Variants in KLHL14 observed in about 807,000 individuals in gnomAD.
The protein encoded by KLHL14 is kelch like family member 14.
Under a neutral mutation model 64.3 loss-of-function variants are expected in KLHL14, and 22 were observed. The ratio of observed to expected loss-of-function variants is 0.34; its 90% CI spans 0.24 to 0.49. KLHL14 has a LOEUF of 0.49. Ranked by LOEUF, KLHL14 falls within the 20% of genes least tolerant of loss-of-function variation. KLHL14 has a pLI of 0.99. For synonymous variants in KLHL14, 322 were observed against 333.4 expected (o/e 0.97, Z 0.37); for missense variants, 661 against 789.0 (o/e 0.84, Z 1.94).
chr18:32,693,988 GT>G (rs2144484611), intron 4 of KLHL14, among the ~76,000 whole-genome samples: 1 of 137,628 alleles, frequency 7.3e-6, no homozygotes, highest in African/African-American at 2.8e-5. Flanking sequence ...GTTTTGTTTT[GT>G]TTTGTTTTTT....
intron 3 of KLHL14, among the ~76,000 whole-genome samples, chr18:32,731,562 T>C (rs546565141): frequency 6.6e-6 from 1 of 152,220 alleles, no homozygotes; most frequent in African/African-American, 2.4e-5. Context: ...AGTGATGTAA[T>C]AATATGTACT....
chr18:32,692,591 G>C (rs992075512), intron 4 of KLHL14, among the ~76,000 whole-genome samples: 10 of 152,196 alleles, frequency 6.6e-5, no homozygotes, highest in Non-Finnish European at 1.5e-4. Context: ...GGAGTTCCTT[G>C]TGAGTGAGTG....
At chr18:32,755,061 G>A (rs947867453) in intron 2 of KLHL14, among the ~76,000 whole-genome samples, 2 of 152,050 alleles carry the variant, frequency 1.3e-5, no homozygotes, top group African/African-American at 4.8e-5. Context: ...GCTGCTGTGG[G>A]TGAAATGGAA....
intron 3 of KLHL14, among the ~76,000 whole-genome samples, chr18:32,703,863 C>A (rs2049977575): frequency 6.6e-6 from 1 of 152,016 alleles, no homozygotes; most frequent in African/African-American, 2.4e-5. Context: ...AGTAAAAAAT[C>A]TTTGGGAATG....
At chr18:32,718,244 T>C (rs573951769) in intron 3 of KLHL14, among the ~76,000 whole-genome samples, 73 of 152,362 alleles carry the variant, frequency 4.8e-4, no homozygotes, top group African/African-American at 1.7e-3. Flanking sequence ...CAAATGCTTT[T>C]CACATAATCT....
chr18:32,751,659 C>T (rs752306844), intron 2 of KLHL14, among the ~76,000 whole-genome samples: 13 of 151,908 alleles, frequency 8.6e-5, no homozygotes, highest in Non-Finnish European at 1.8e-4. Flanking sequence ...CAGTCACGTG[C>T]CTATTATTTA....
At chr18:32,693,411 C>G (rs7235903) in intron 4 of KLHL14, among the ~76,000 whole-genome samples, 1,688 of 112,360 alleles carry the variant, frequency 0.015, 26 homozygotes, top group African/African-American at 0.062. Flanking sequence ...CACACACACA[C>G]ACAGAGAGAG....
chr18:32,744,450 C>A (rs1367169294), intron 2 of KLHL14: 1 of 147,224 alleles, frequency 6.8e-6, no homozygotes, highest in Non-Finnish European at 1.5e-5. Context: ...GCACTCCAGC[C>A]TGGACAAAAA....
intron 3 of KLHL14, among the ~76,000 whole-genome samples, chr18:32,716,597 T>C (rs974858288): frequency 6.6e-6 from 1 of 152,116 alleles, no homozygotes; most frequent in Non-Finnish European, 1.5e-5. Context: ...TTTGTATGTT[T>C]GAGTAGAGAT....
intron 3 of KLHL14, among the ~76,000 whole-genome samples, chr18:32,702,320 A>C (rs2049969897): frequency 6.7e-6 from 1 of 150,150 alleles, no homozygotes; most frequent in Non-Finnish European, 1.5e-5. Flanking sequence ...ATTCCTTGCC[A>C]TGGGCTCTTA....
chr18:32,710,191 C>T (rs184070605), intron 3 of KLHL14, among the ~76,000 whole-genome samples: 100 of 152,274 alleles, frequency 6.6e-4, no homozygotes, highest in African/African-American at 2.3e-3. Flanking sequence ...GTTGTTCTTT[C>T]GTTGTCCCCT....
rs767771386 is a variant in KLHL14, at chr18:32,770,594, C to G, written c.-3G>C. 6.5e-7 allele frequency: 1 copy of G among 1,540,410 alleles called. No individual in the cohort carries two copies. Among genetic ancestry groups the G allele is most frequent in the Non-Finnish European group, 8.7e-7 (1 of 1,144,632 alleles). ...GTCCTGTCCCCGGATCTGGACATGG[C>G]GAGCTGACTCGGTGCACCTGGCTTT... On this transcript the variant is annotated 5_prime_UTR_variant, in exon 2 of 9. Transcript: ENST00000359358. This position sits in a 1 kb window ranked among gnomAD's most constrained non-coding sequence, Gnocchi z 6.7.
chr18:32,705,913 G>A (rs1029132483), intron 3 of KLHL14, among the ~76,000 whole-genome samples: 38 of 152,130 alleles, frequency 2.5e-4, no homozygotes, highest in African/African-American at 8.7e-4. Flanking sequence ...TAGACAATCC[G>A]GTGATCGTAG....
chr18:32,682,808 C>G (rs2144468708), intron 5 of KLHL14, among the ~76,000 whole-genome samples: 2 of 152,270 alleles, frequency 1.3e-5, no homozygotes, highest in East Asian at 1.9e-4. Context: ...CTACAAAAAT[C>G]CATCCTAAAG....
chr18:32,757,717 C>G (rs1370793041), intron 2 of KLHL14, among the ~76,000 whole-genome samples: 2 of 152,034 alleles, frequency 1.3e-5, no homozygotes, highest in African/African-American at 2.4e-5. Flanking sequence ...GAAAGATTTG[C>G]TTATCCAAGT....
At chr18:32,684,968 G>T (rs991701358) in intron 5 of KLHL14, among the ~76,000 whole-genome samples, 1 of 152,078 alleles carries the variant, frequency 6.6e-6, no homozygotes, top group African/African-American at 2.4e-5. Context: ...CGGGGCATTT[G>T]TGAGATCTGC....
At chr18:32,771,213 C>A in intron 1 of KLHL14, 1 of 170,032 alleles carries the variant, frequency 5.9e-6, no homozygotes. Context: ...TCTTAGCTCT[C>A]CAAAAGCTGG....
intron 2 of KLHL14, among the ~76,000 whole-genome samples, chr18:32,758,627 A>C (rs2050296186): frequency 6.6e-6 from 1 of 152,238 alleles, no homozygotes; most frequent in Non-Finnish European, 1.5e-5. Flanking sequence ...ATATGTCCAT[A>C]CAAAAAACTT....
intron 3 of KLHL14, among the ~76,000 whole-genome samples, chr18:32,709,347 AAG>A (rs2050006801): frequency 6.6e-6 from 1 of 152,164 alleles, no homozygotes; most frequent in African/African-American, 2.4e-5. Flanking sequence ...TGTCTGCTGG[AAG>A]AGAGACCTTT....
Sources: gnomAD v4.1 joint callset for allele counts (sites outside exome capture counted in the v4.1 genomes callset) on GRCh38, gnomAD v4.1.1 for gene constraint, Gnocchi (gnomAD v3.1) non-coding constraint, MANE v1.5 for transcripts, NCBI Gene and HGNC (gene_info 2026-07-23, HGNC 2026-07-21) for gene names.